Variants in SPAG16 observed in about 807,000 individuals in gnomAD.
SPAG16 encodes sperm-associated antigen 16 protein.
Under a neutral mutation model 80.4 loss-of-function variants are expected in SPAG16, and 86 were observed. The ratio of observed to expected loss-of-function variants is 1.07; its 90% CI spans 0.90 to 1.28. The LOEUF (loss-of-function observed/expected upper bound fraction) is 1.28, where lower values mean the gene tolerates loss of function less well. SPAG16 is among the 50% of genes most tolerant of loss of function. SPAG16 has a pLI of 0.00. For synonymous variants in SPAG16, 294 were observed against 265.9 expected, an observed-to-expected ratio of 1.11 and a Z score of -1.03; for missense variants, 870 against 765.3, an observed-to-expected ratio of 1.14 and a Z score of -1.61.
chr2:213,931,756 T>A (rs1381944113), intron 12 of SPAG16, among the ~76,000 whole-genome samples: 2 of 152,112 alleles, frequency 1.3e-5, no homozygotes, highest in South Asian at 4.1e-4. Context: ...ATATTACAGA[T>A]CAAAATTGCT....
At chr2:213,896,170 A>G (rs573511728) in intron 11 of SPAG16, among the ~76,000 whole-genome samples, 1 of 152,244 alleles carries the variant, frequency 6.6e-6, no homozygotes, top group East Asian at 1.9e-4. Flanking sequence ...GAAGACATAC[A>G]TATGGCCAAA....
intron 10 of SPAG16, among the ~76,000 whole-genome samples, chr2:213,839,150 C>T (rs2074244945): frequency 6.6e-6 from 1 of 152,170 alleles, no homozygotes; most frequent in African/African-American, 2.4e-5. Context: ...GATTTGTTAA[C>T]TCTTTTGTAA....
intron 10 of SPAG16, among the ~76,000 whole-genome samples, chr2:213,854,333 A>T: frequency 6.6e-6 from 1 of 152,354 alleles, no homozygotes; most frequent in East Asian, 1.9e-4. Flanking sequence ...GTTGAATAAT[A>T]GTAATAATAG....
At chr2:214,242,656 A>T (rs568071130) in intron 15 of SPAG16, among the ~76,000 whole-genome samples, 1 of 152,192 alleles carries the variant, frequency 6.6e-6, no homozygotes, top group African/African-American at 2.4e-5. Context: ...GTTATAAAAA[A>T]TGAAAATATA....
chr2:213,564,870 C>T (rs950056222), intron 10 of SPAG16, among the ~76,000 whole-genome samples: 1 of 152,190 alleles, frequency 6.6e-6, no homozygotes, highest in Non-Finnish European at 1.5e-5. Context: ...GAAACAGCTA[C>T]TAAATGACAA....
intron 15 of SPAG16, among the ~76,000 whole-genome samples, chr2:214,311,992 G>A (rs1439782331): frequency 6.6e-6 from 1 of 152,002 alleles, no homozygotes; most frequent in Non-Finnish European, 1.5e-5. Context: ...AATGAAATGA[G>A]TTAATACTGA....
chr2:214,304,818 G>T (rs1694802647), intron 15 of SPAG16, among the ~76,000 whole-genome samples: 1 of 152,112 alleles, frequency 6.6e-6, no homozygotes. Flanking sequence ...TGCTGTGTGA[G>T]TAGTACTGCA....
intron 12 of SPAG16, among the ~76,000 whole-genome samples, chr2:213,967,241 G>A (rs2044754125): frequency 6.6e-6 from 1 of 151,972 alleles, no homozygotes; most frequent in South Asian, 2.1e-4. Context: ...GTATTCTGTC[G>A]GACAAAATCT....
chr2:214,363,891 G>A (rs954291189), intron 15 of SPAG16, among the ~76,000 whole-genome samples: 1 of 152,070 alleles, frequency 6.6e-6, no homozygotes, highest in Non-Finnish European at 1.5e-5. Flanking sequence ...TTTATGTGGA[G>A]GAATGTCTTT....
chr2:213,573,704 A>G (rs1302647927), intron 10 of SPAG16, among the ~76,000 whole-genome samples: 3 of 152,110 alleles, frequency 2.0e-5, no homozygotes, highest in Non-Finnish European at 4.4e-5. Context: ...TTCTTCTACT[A>G]TTTTTGGAGT....
intron 10 of SPAG16, among the ~76,000 whole-genome samples, chr2:213,520,453 G>A (rs940349620): frequency 1.3e-5 from 2 of 152,006 alleles, no homozygotes; most frequent in African/African-American, 4.8e-5. Flanking sequence ...AATTCGCTGG[G>A]CGTGGTGGTG....
intron 7 of SPAG16, among the ~76,000 whole-genome samples, chr2:213,359,188 G>A (rs182128864): frequency 2.0e-5 from 3 of 152,232 alleles, no homozygotes; most frequent in East Asian, 3.9e-4. Context: ...GGTATCAGTC[G>A]GCCCCTACTG....
At chr2:213,349,000 A>C (rs1454158860) in intron 6 of SPAG16, among the ~76,000 whole-genome samples, 1 of 152,228 alleles carries the variant, frequency 6.6e-6, no homozygotes, top group African/African-American at 2.4e-5. Flanking sequence ...CAAAGGATGG[A>C]TGTCATACAT....
intron 10 of SPAG16, among the ~76,000 whole-genome samples, chr2:213,841,858 A>AT (rs896629129): frequency 7.2e-5 from 11 of 151,730 alleles, no homozygotes; most frequent in Admixed American, 4.6e-4. Context: ...ATGTATAAGA[A>AT]TTTTTTTTTC....
At chr2:213,403,443 C>T (rs750134549) in intron 9 of SPAG16, among the ~76,000 whole-genome samples, 7 of 152,054 alleles carry the variant, frequency 4.6e-5, no homozygotes, top group African/African-American at 7.2e-5. Context: ...ATAAACAGAA[C>T]CAAAGACAAA....
intron 15 of SPAG16, among the ~76,000 whole-genome samples, chr2:214,350,705 T>A (rs984722199): frequency 6.6e-6 from 1 of 152,132 alleles, no homozygotes; most frequent in Admixed American, 6.5e-5. Flanking sequence ...GGATTCTGCC[T>A]AAGAGAATCT....
intron 10 of SPAG16, among the ~76,000 whole-genome samples, chr2:213,540,636 G>A (rs2076412933): frequency 1.3e-5 from 2 of 151,942 alleles, no homozygotes; most frequent in Admixed American, 1.3e-4. Flanking sequence ...ATATTTAAAG[G>A]AATATTTCCA....
At chr2:213,723,565 G>A in intron 10 of SPAG16, among the ~76,000 whole-genome samples, 1 of 152,180 alleles carries the variant, frequency 6.6e-6, no homozygotes, top group East Asian at 1.9e-4. Flanking sequence ...AAGGATGCAA[G>A]CACTCAAGAA....
intron 11 of SPAG16, among the ~76,000 whole-genome samples, chr2:213,872,711 G>A (rs2076000274): frequency 6.6e-6 from 1 of 152,112 alleles, no homozygotes; most frequent in South Asian, 2.1e-4. Context: ...TAAGTATGAT[G>A]TTAGTTGTGG....
Sources: allele counts gnomAD v4.1 joint callset (sites outside exome capture counted in the v4.1 genomes callset), GRCh38; gene constraint gnomAD v4.1.1; transcripts MANE v1.5; gene names NCBI Gene and HGNC (gene_info 2026-07-23, HGNC 2026-07-21).